Variants in TYW1B observed in about 807,000 individuals in gnomAD.
TYW1B encodes the protein tRNA-yW synthesizing protein 1 homolog B.
Under a neutral mutation model 86.9 loss-of-function variants are expected in TYW1B, and 73 were observed. The observed-to-expected ratio is 0.84, with a 90% CI of 0.70 to 1.02. TYW1B has a LOEUF of 1.02. TYW1B is among the 50% of genes least tolerant of loss of function. The pLI, the probability that TYW1B is intolerant of heterozygous loss-of-function variation, is 0.00. For synonymous variants in TYW1B, 248 were observed against 292.8 expected, an observed-to-expected ratio of 0.85 and a Z score of 1.56; for missense variants, 637 against 827.4, an observed-to-expected ratio of 0.77 and a Z score of 2.82.
chr7:72,576,906 C>G (rs1467660987), intron 13 of TYW1B, among the ~76,000 whole-genome samples: 3 of 151,866 alleles, frequency 2.0e-5, no homozygotes, highest in African/African-American at 7.2e-5. Context: ...GCAGGTGGAT[C>G]ACCTGAGGTC....
At chr7:72,704,913 C>T (rs1419852871) in intron 10 of TYW1B, among the ~76,000 whole-genome samples, 1 of 152,044 alleles carries the variant, frequency 6.6e-6, no homozygotes, top group Non-Finnish European at 1.5e-5. Flanking sequence ...TTTAGCCCAT[C>T]CAGACATGCA....
At chr7:72,711,473 C>A (rs1184508716) in intron 10 of TYW1B, among the ~76,000 whole-genome samples, 2 of 56,966 alleles carry the variant, frequency 3.5e-5, no homozygotes, top group African/African-American at 1.5e-4. Flanking sequence ...CTCTTTAATT[C>A]TTTTTTTTTT....
At chr7:72,739,627 G>A (rs1298506873) in intron 8 of TYW1B, among the ~76,000 whole-genome samples, 1 of 149,964 alleles carries the variant, frequency 6.7e-6, no homozygotes, top group Non-Finnish European at 1.5e-5. Context: ...AAAAAAGTGG[G>A]TAGAGGGGTT....
At chr7:72,596,784 A>C (rs1361121748) in intron 13 of TYW1B, among the ~76,000 whole-genome samples, 1 of 151,942 alleles carries the variant, frequency 6.6e-6, no homozygotes, top group Non-Finnish European at 1.5e-5. Flanking sequence ...GGACCTTATG[A>C]AAAATTTTAA....
chr7:72,588,675 A>G (rs1473340300), intron 13 of TYW1B, among the ~76,000 whole-genome samples: 10 of 151,948 alleles, frequency 6.6e-5, no homozygotes, highest in South Asian at 2.1e-4. Context: ...TGGGACAGGG[A>G]CTCTGTCTCC....
At chr7:72,668,099 A>G (rs1554445656) in intron 11 of TYW1B, among the ~76,000 whole-genome samples, 1 of 152,222 alleles carries the variant, frequency 6.6e-6, no homozygotes, top group African/African-American at 2.4e-5. Context: ...ATGTCTACTG[A>G]ATTAATGATC....
intron 10 of TYW1B, among the ~76,000 whole-genome samples, chr7:72,699,668 A>T (rs1371578252): frequency 7.3e-5 from 11 of 151,710 alleles, no homozygotes; most frequent in African/African-American, 2.2e-4. Flanking sequence ...TTTTTTTTTA[A>T]AGACAGAGTC....
intron 11 of TYW1B, among the ~76,000 whole-genome samples, chr7:72,685,171 G>A (rs1175945276): frequency 6.6e-6 from 1 of 150,776 alleles, no homozygotes; most frequent in Non-Finnish European, 1.5e-5. Context: ...GTCCTACTCA[G>A]GAAGAAATAT....
intron 11 of TYW1B, among the ~76,000 whole-genome samples, chr7:72,644,578 CAAAT>C (rs1243855790): frequency 2.0e-5 from 3 of 151,926 alleles, no homozygotes; most frequent in African/African-American, 7.2e-5. Context: ...TAAATAAAAA[CAAAT>C]AAAAACAGAC....
intron 4 of TYW1B, among the ~76,000 whole-genome samples, chr7:72,808,240 C>T (rs1788533318): frequency 1.3e-5 from 2 of 152,114 alleles, no homozygotes; most frequent in Admixed American, 6.6e-5. Flanking sequence ...AATGCTCAAG[C>T]CCAAGTTCAA....
At chr7:72,713,262 C>T (rs1786708742) in intron 10 of TYW1B, among the ~76,000 whole-genome samples, 1 of 125,980 alleles carries the variant, frequency 7.9e-6, no homozygotes, top group African/African-American at 3.1e-5. Context: ...GATCACGCCA[C>T]TGCACTCAAG....
At chr7:72,600,415 G>A (rs1811637311) in intron 13 of TYW1B, among the ~76,000 whole-genome samples, 1 of 152,030 alleles carries the variant, frequency 6.6e-6, no homozygotes, top group Non-Finnish European at 1.5e-5. Context: ...AAATAGCACG[G>A]GAGGAAATCT....
At chr7:72,724,428 G>A (rs1179243896) in intron 9 of TYW1B, among the ~76,000 whole-genome samples, 1 of 152,068 alleles carries the variant, frequency 6.6e-6, no homozygotes, top group Non-Finnish European at 1.5e-5. Context: ...AGCCAAGATC[G>A]TGCCACTGCA....
chr7:72,814,281 G>A (rs1788679380), intron 3 of TYW1B, among the ~76,000 whole-genome samples: 3 of 151,750 alleles, frequency 2.0e-5, no homozygotes, highest in South Asian at 2.1e-4. Flanking sequence ...CAGTGAGACC[G>A]TATCTCTATA....
chr7:72,738,247 A>AC (rs1787235429), intron 8 of TYW1B, among the ~76,000 whole-genome samples: 1 of 150,420 alleles, frequency 6.6e-6, no homozygotes, highest in Non-Finnish European at 1.5e-5. Context: ...AGCCCAGCTA[A>AC]TTTTTTGTAT....
intron 11 of TYW1B, among the ~76,000 whole-genome samples, chr7:72,671,703 T>G (rs543637453): frequency 1.3e-5 from 2 of 152,246 alleles, no homozygotes; most frequent in South Asian, 4.1e-4. Flanking sequence ...TTCTATTGGC[T>G]TATAGGTCTT....
intron 13 of TYW1B, among the ~76,000 whole-genome samples, chr7:72,579,407 A>G (rs1383619820): frequency 6.6e-6 from 1 of 152,262 alleles, no homozygotes; most frequent in African/African-American, 2.4e-5. Flanking sequence ...AATGCAGGAC[A>G]AAGTAGGAGT....
chr7:72,754,299 C>G (rs929163319), intron 7 of TYW1B, among the ~76,000 whole-genome samples: 3 of 152,016 alleles, frequency 2.0e-5, no homozygotes, highest in African/African-American at 7.2e-5. Flanking sequence ...GCTGCCACCA[C>G]GTCTGGCTAA....
intron 11 of TYW1B, among the ~76,000 whole-genome samples, chr7:72,641,014 A>G (rs1360029266): frequency 1.3e-5 from 2 of 152,116 alleles, no homozygotes; most frequent in Non-Finnish European, 2.9e-5. Context: ...AACTAAATGG[A>G]CCCTTAGCTA....
Sources: allele counts gnomAD v4.1 joint callset (sites outside exome capture counted in the v4.1 genomes callset), GRCh38; gene constraint gnomAD v4.1.1; transcripts MANE v1.5; gene names NCBI Gene and HGNC (gene_info 2026-07-23, HGNC 2026-07-21).